Variants in GBE1 observed in about 807,000 individuals in gnomAD.
The protein encoded by GBE1 is 1,4-alpha-glucan-branching enzyme.
In GBE1, 70 loss-of-function variants were observed where a neutral mutation model predicts 88.8. The ratio of observed to expected loss-of-function variants is 0.79; its 90% CI spans 0.65 to 0.96. The LOEUF (loss-of-function observed/expected upper bound fraction) is 0.96, where lower values mean the gene tolerates loss of function less well. GBE1 is among the 40% of genes least tolerant of loss of function. The pLI is 0.00. For synonymous variants in GBE1, 284 were observed against 300.1 expected (o/e 0.95, Z 0.56); for missense variants, 872 against 871.0 (o/e 1.00, Z -0.01).
chr3:81,490,496 A>G, intron 15 of GBE1, 33 bp from the exon 16 acceptor site: 1 of 1,554,770 alleles, frequency 6.4e-7, no homozygotes, highest in Non-Finnish European at 8.9e-7. Flanking sequence ...GTGCAATTGA[A>G]GAAAGTACCA....
At chr3:81,600,329 A>G (rs1393160521) in intron 7 of GBE1, among the ~76,000 whole-genome samples, 1 of 152,198 alleles carries the variant, frequency 6.6e-6, no homozygotes, top group African/African-American at 2.4e-5. Context: ...GATTGAAAAA[A>G]TACACCCCTC....
At chr3:81,691,314 T>G (rs1158842634) in intron 2 of GBE1, among the ~76,000 whole-genome samples, 3 of 152,146 alleles carry the variant, frequency 2.0e-5, no homozygotes, top group African/African-American at 7.2e-5. Flanking sequence ...AGAACAAAAA[T>G]GGACTATTTT....
intron 3 of GBE1, among the ~76,000 whole-genome samples, chr3:81,668,180 C>T (rs958493492): frequency 1.3e-5 from 2 of 151,834 alleles, no homozygotes; most frequent in Non-Finnish European, 2.9e-5. Flanking sequence ...TGAGAATACA[C>T]GGGGAGGAGA....
At chr3:81,657,575 G>C (rs1256024739) in intron 3 of GBE1, among the ~76,000 whole-genome samples, 1 of 152,020 alleles carries the variant, frequency 6.6e-6, no homozygotes, top group East Asian at 1.9e-4. Context: ...CTTCCTGGGT[G>C]AATTTTTCTA....
intron 3 of GBE1, among the ~76,000 whole-genome samples, chr3:81,658,530 G>C (rs950926105): frequency 2.0e-5 from 3 of 152,092 alleles, no homozygotes; most frequent in Non-Finnish European, 4.4e-5. Context: ...ACCAGGTCCT[G>C]ACTTAGAATG....
intron 4 of GBE1, among the ~76,000 whole-genome samples, 172 bp from the exon 5 acceptor site, chr3:81,649,163 G>C (rs1336157777): frequency 1.3e-5 from 2 of 152,026 alleles, no homozygotes; most frequent in Non-Finnish European, 2.9e-5. Flanking sequence ...AAGTCCTTAT[G>C]GTCCTGCTAG....
chr3:81,503,475 C>T (rs1356757721), intron 14 of GBE1, among the ~76,000 whole-genome samples: 9 of 151,948 alleles, frequency 5.9e-5, no homozygotes, highest in Non-Finnish European at 8.8e-5. Context: ...AAACAGACGG[C>T]GGAAAGACTA....
At chr3:81,717,397 C>T (rs1705953502) in intron 1 of GBE1, among the ~76,000 whole-genome samples, 2 of 152,210 alleles carry the variant, frequency 1.3e-5, no homozygotes, top group African/African-American at 4.8e-5. Context: ...GGTCAACTAA[C>T]TTGCTGAGAA....
rs773950053 is a variant in GBE1, at chr3:81,586,157, T to C, written c.1270A>G (p.Ile424Val). 3.0e-5 allele frequency: 48 copies of C among 1,608,930 alleles called. No homozygotes were observed. Among genetic ancestry groups the C allele is most frequent in the Non-Finnish European group, 3.8e-5 (45 of 1,178,066 alleles). Reference protein sequence around the residue: ...VSGMPALCSPISQGGGGFDYR... With the variant: ...VSGMPALCSPVSQGGGGFDYR... ...TCAAAACCACCCCCTCCCTGGGAAA[T>C]TGGAGAGCACAGAGCTGGCATTCCT... Residue 424 changes from isoleucine (I) to valine (V), a missense_variant, in exon 10 of 16, where the codon ATT (isoleucine) becomes GTT (valine). Transcript: ENST00000429644.
At chr3:81,560,214 G>A (rs1026614307) in intron 12 of GBE1, among the ~76,000 whole-genome samples, 1 of 151,850 alleles carries the variant, frequency 6.6e-6, no homozygotes, top group African/African-American at 2.4e-5. Flanking sequence ...ATTTTTAAGT[G>A]CACAGCATTT....
chr3:81,524,142 C>T (rs939982130), intron 14 of GBE1, among the ~76,000 whole-genome samples: 1 of 151,810 alleles, frequency 6.6e-6, no homozygotes, highest in African/African-American at 2.4e-5. Context: ...CTACTTGCTC[C>T]ACATCCTCAC....
At chr3:81,640,051 T>A (rs57135543) in intron 7 of GBE1, among the ~76,000 whole-genome samples, 14,201 of 152,244 alleles carry the variant, frequency 0.093, 1,337 homozygotes, top group African/African-American at 0.24. Flanking sequence ...TTGATCATGA[T>A]TGCTAAGAAG....
At chr3:81,631,464 T>C (rs1054032549) in intron 7 of GBE1, among the ~76,000 whole-genome samples, 12 of 151,822 alleles carry the variant, frequency 7.9e-5, no homozygotes, top group Admixed American at 1.3e-4. Context: ...TGACCAGGCG[T>C]GGTGGCTCAC....
intron 3 of GBE1, among the ~76,000 whole-genome samples, chr3:81,655,500 G>A (rs1704921086): frequency 6.7e-6 from 1 of 148,852 alleles, no homozygotes; most frequent in South Asian, 2.1e-4. Context: ...AGAAATAAAT[G>A]TGTGTTTTTG....
chr3:81,681,534 C>T lies in GBE1; in HGVS notation c.314-10581G>A, dbSNP rs147628145. Among the ~76,000 whole-genome samples the T allele has an allele frequency of 7.1e-4, 108 of 152,282 alleles. No individual in the cohort carries two copies. In the Middle Eastern group the frequency reaches 0.017, roughly 24 times the overall value. ...ATCAAGAAAGCACCTACATAGGTCT[C>T]CCTCCTAACCCTATAGCCACTTATG... On this transcript the variant is annotated intron_variant, in intron 2 of 15. Transcript: ENST00000429644.
At chr3:81,759,704 C>G (rs1274740290) in intron 1 of GBE1, among the ~76,000 whole-genome samples, 1 of 152,184 alleles carries the variant, frequency 6.6e-6, no homozygotes, top group Non-Finnish European at 1.5e-5. Flanking sequence ...ATTCTCTTCC[C>G]TTCTTTATCT....
chr3:81,518,143 T>G (rs1576129207), intron 14 of GBE1, among the ~76,000 whole-genome samples: 1 of 151,570 alleles, frequency 6.6e-6, no homozygotes, highest in South Asian at 2.1e-4. Context: ...ATGCACTGTC[T>G]TCTTTAAAGG....
intron 1 of GBE1, among the ~76,000 whole-genome samples, chr3:81,734,777 C>T (rs1433375225): frequency 1.3e-5 from 2 of 152,208 alleles, no homozygotes; most frequent in South Asian, 2.1e-4. Context: ...AAAAAGATGC[C>T]GTATCAGTTG....
chr3:81,592,310 CT>C (rs1703890173), intron 8 of GBE1, among the ~76,000 whole-genome samples: 4 of 152,142 alleles, frequency 2.6e-5, no homozygotes, highest in Admixed American at 1.3e-4. Context: ...TCCTCAGCCC[CT>C]GGCAACCATC....
Sources: allele counts gnomAD v4.1 joint callset (sites outside exome capture counted in the v4.1 genomes callset), GRCh38; gene constraint gnomAD v4.1.1; transcripts MANE v1.5; gene names NCBI Gene and HGNC (gene_info 2026-07-23, HGNC 2026-07-21).